Variants in CACNB4 observed in about 807,000 individuals in gnomAD.
The protein encoded by CACNB4 is calcium voltage-gated channel auxiliary subunit beta 4.
Under a neutral mutation model 71.2 loss-of-function variants are expected in CACNB4, and 32 were observed. The observed-to-expected ratio is 0.45, with a 90% confidence interval of 0.34 to 0.60. The LOEUF is 0.60. CACNB4 is among the 20% of genes least tolerant of loss of function. The pLI, the probability that CACNB4 is intolerant of heterozygous loss-of-function variation, is 0.01. For missense variants in CACNB4, 464 were observed against 647.9 expected, an observed-to-expected ratio of 0.72 and a Z score of 3.08; for synonymous variants, 231 against 236.9, an observed-to-expected ratio of 0.97 and a Z score of 0.23.
intron 2 of CACNB4, among the ~76,000 whole-genome samples, chr2:152,075,982 C>G (rs1686985785): frequency 6.6e-6 from 1 of 152,122 alleles, no homozygotes; most frequent in Non-Finnish European, 1.5e-5. Flanking sequence ...CAAACTGTAG[C>G]TAATATCCCT....
intron 2 of CACNB4, among the ~76,000 whole-genome samples, chr2:152,079,854 C>T (rs1353897452): frequency 1.3e-5 from 2 of 152,132 alleles, no homozygotes; most frequent in South Asian, 4.1e-4. Context: ...ACATCCATCA[C>T]CTAGAGTTCT....
intron 2 of CACNB4, among the ~76,000 whole-genome samples, chr2:152,040,693 G>A (rs1266523331): frequency 1.3e-5 from 2 of 152,058 alleles, no homozygotes; most frequent in Non-Finnish European, 2.9e-5. Context: ...CACTCGCCTC[G>A]GCCTCCCAAA....
intron 13 of CACNB4, among the ~76,000 whole-genome samples, chr2:151,840,048 A>G (rs778152124): frequency 6.6e-6 from 1 of 152,234 alleles, no homozygotes; most frequent in Non-Finnish European, 1.5e-5. Context: ...AATACCATTA[A>G]TTGAAATTAG....
At position 151,973,954 on chromosome 2, in the gene CACNB4, C is replaced by A. The variant is rs1009806587; in HGVS notation, c.148-90584G>T. 1.9e-5 allele frequency: 24 copies of A among 1,259,490 alleles called. No individual in the cohort carries two copies. The South Asian group carries it at 6.0e-4, about 32-fold the overall frequency. The allele number at this position is 1,259,490 out of a possible 1,614,324, so 78.0% of individuals were successfully genotyped here. A position where few individuals can be genotyped will look rare whatever the true frequency, so the allele number is the denominator to read the frequency against. ...AATACAGAGCACAAAAAGCAAAACCCTTCCTCAACCACAGACTGGTGACTG... is the reference window on the plus strand; with the variant it reads ...AATACAGAGCACAAAAAGCAAAACCATTCCTCAACCACAGACTGGTGACTG... On this transcript the variant is annotated intron_variant, in intron 2 of 13. Transcript: ENST00000539935.
chr2:151,884,728 C>CA (rs2099848909), intron 2 of CACNB4, among the ~76,000 whole-genome samples: 1 of 151,494 alleles, frequency 6.6e-6, no homozygotes. Context: ...TCCCCCACCG[C>CA]AAAAAACCCT....
rs370902818 is a variant in CACNB4, at chr2:151,906,729, G to T, written c.148-23359C>A. On this transcript the variant is annotated intron_variant, in intron 2 of 13. Transcript: ENST00000539935. Reference sequence around the variant, plus strand: ...GCCCTAAGTCAGGCTCTTGTCTTTTGTCCAGCTTCATCTCCCTCCACATCC... The same window carrying T: ...GCCCTAAGTCAGGCTCTTGTCTTTTTTCCAGCTTCATCTCCCTCCACATCC... 5.9e-5 allele frequency among the ~76,000 whole-genome samples: 9 copies of T among 152,088 alleles called. No homozygotes were observed. In the South Asian group the frequency reaches 1.9e-3, roughly 32 times the overall value.
intron 2 of CACNB4, among the ~76,000 whole-genome samples, chr2:151,945,112 T>C (rs1431563050): frequency 6.6e-6 from 1 of 152,178 alleles, no homozygotes; most frequent in Non-Finnish European, 1.5e-5. Flanking sequence ...TCCCAATAAG[T>C]GACTGAGACA....
intron 2 of CACNB4, among the ~76,000 whole-genome samples, chr2:151,977,756 A>T (rs1400525909): frequency 6.6e-6 from 1 of 152,230 alleles, no homozygotes; most frequent in Non-Finnish European, 1.5e-5. Context: ...AAGCCAGTGT[A>T]GTTATGCGTT....
intron 2 of CACNB4, among the ~76,000 whole-genome samples, chr2:151,937,705 A>G (rs2099863268): frequency 6.6e-6 from 1 of 152,174 alleles, no homozygotes; most frequent in South Asian, 2.1e-4. Flanking sequence ...CAGATTTGCA[A>G]TGGAACAATG....
intron 13 of CACNB4, among the ~76,000 whole-genome samples, chr2:151,840,027 G>A (rs576745509): frequency 6.9e-4 from 105 of 152,154 alleles, no homozygotes; most frequent in African/African-American, 2.4e-3. Flanking sequence ...CAATATAAAC[G>A]AAATTCCTCT....
At chr2:151,942,437 G>A (rs1356326190) in intron 2 of CACNB4, among the ~76,000 whole-genome samples, 1 of 149,076 alleles carries the variant, frequency 6.7e-6, no homozygotes, top group Non-Finnish European at 1.5e-5. Context: ...TGTGTTAACT[G>A]TACAAATTGA....
intron 9 of CACNB4, chr2:151,861,851 A>AAAAAAAAAAAC (rs201014643): frequency 7.4e-6 from 1 of 135,358 alleles, no homozygotes; most frequent in African/African-American, 2.9e-5. Context: ...TCAAAAAAAA[A>AAAAAAAAAAAC]AAAAAAACTG....
chr2:152,052,340 G>A (rs1294426489), intron 2 of CACNB4, among the ~76,000 whole-genome samples: 5 of 152,068 alleles, frequency 3.3e-5, no homozygotes, highest in South Asian at 2.1e-4. Flanking sequence ...TCACTCTGTC[G>A]CCTAGGCTGG....
chr2:152,090,957 T>C (rs1265542938), intron 2 of CACNB4, among the ~76,000 whole-genome samples: 1 of 151,732 alleles, frequency 6.6e-6, no homozygotes, highest in Non-Finnish European at 1.5e-5. Context: ...CGCAGGAGAA[T>C]TGCTTGAACC....
Position 151,835,008 on chromosome 2 carries a change from A to AC in CACNB4, c.*4110_*4111insG. 1 of 151,978 alleles carries AC rather than the reference A, an allele frequency of 6.6e-6. No individual in the cohort carries two copies. Among genetic ancestry groups the AC allele is most frequent in the Non-Finnish European group, 1.5e-5 (1 of 67,838 alleles). The allele number at this position is 151,978 out of a possible 1,614,324, so 9.4% of individuals were successfully genotyped here. On this transcript the variant is annotated 3_prime_UTR_variant, in exon 14 of 14. Coordinates refer to ENST00000539935, the MANE Select transcript of CACNB4 (RefSeq NM_000726.5). The stretch of plus-strand genomic sequence containing the variant: ...AAACATTGATATGAAGTTTATTCCA[A>AC]TTACATGGGAGTCCAAGATTATGCA...
rs796052285 is a variant in CACNB4 at position 151,880,938 on chromosome 2, T to C, written c.268-16A>G. 1.0e-5 allele frequency: 16 copies of C among 1,589,798 alleles called. No homozygotes were observed. Among genetic ancestry groups the C allele is most frequent in the Middle Eastern group, 1.7e-4 (1 of 6,014 alleles). On this transcript the variant is annotated splice_polypyrimidine_tract_variant and intron_variant, in intron 3 of 13. Coordinates refer to ENST00000539935, the MANE Select transcript of CACNB4 (RefSeq NM_000726.5). ...CAGGTTTGGACTAGGGACAGAACCATGGAATAAGGAATGAGGAAGGGAGGA... is the reference window on the plus strand; with the variant it reads ...CAGGTTTGGACTAGGGACAGAACCACGGAATAAGGAATGAGGAAGGGAGGA...
intron 2 of CACNB4, among the ~76,000 whole-genome samples, chr2:152,024,786 T>C (rs1683873307): frequency 6.6e-6 from 1 of 152,244 alleles, no homozygotes; most frequent in Non-Finnish European, 1.5e-5. Context: ...CTAGGCGTGG[T>C]GGCTCACGCC....
intron 2 of CACNB4, among the ~76,000 whole-genome samples, chr2:152,015,597 A>G (rs959185292): frequency 6.6e-6 from 1 of 152,216 alleles, no homozygotes; most frequent in African/African-American, 2.4e-5. Context: ...ATGAATTGTG[A>G]GCAAAAATGT....
intron 2 of CACNB4, among the ~76,000 whole-genome samples, chr2:151,986,852 G>A (rs567122826): frequency 3.9e-5 from 6 of 152,218 alleles, no homozygotes; most frequent in South Asian, 2.1e-4. Context: ...GGGTTGGGGG[G>A]AGTCACACAT....
Sources: gnomAD v4.1 joint callset for allele counts (sites outside exome capture counted in the v4.1 genomes callset) on GRCh38, gnomAD v4.1.1 for gene constraint, MANE v1.5 for transcripts, NCBI Gene and HGNC (gene_info 2026-07-23, HGNC 2026-07-21) for gene names.